Variants in MYO5B observed in about 807,000 individuals in gnomAD.
MYO5B encodes the protein unconventional myosin-Vb.
A neutral mutation model predicts 229.3 loss-of-function variants in MYO5B; 143 were observed. The observed-to-expected ratio is 0.62, with a 90% CI of 0.54 to 0.72. The LOEUF (loss-of-function observed/expected upper bound fraction) is 0.72, where lower values mean the gene tolerates loss of function less well. Ranked by LOEUF, MYO5B falls within the 30% of genes least tolerant of loss-of-function variation. The pLI is 0.00. For missense variants in MYO5B, 2,321 were observed against 2,331.0 expected (o/e 1.00, Z 0.09); for synonymous variants, 918 against 885.2 (o/e 1.04, Z -0.66).
chr18:50,088,428 T>A lies in MYO5B; in HGVS notation c.28-33050A>T, dbSNP rs554947622. 2.0e-5 allele frequency among the ~76,000 whole-genome samples: 3 copies of A among 152,338 alleles called. No homozygotes were observed. The East Asian group carries it at 5.8e-4, about 29-fold the overall frequency. On this transcript the variant is annotated intron_variant, in intron 1 of 39. Transcript: ENST00000285039. ...ACCCTAGACACAGCTTAAATACAAG[T>A]GCAGCACTGGTAAAACCACCAATGT...
intron 1 of MYO5B, among the ~76,000 whole-genome samples, chr18:50,141,437 C>T (rs1366668493): frequency 6.6e-6 from 1 of 152,220 alleles, no homozygotes; most frequent in African/African-American, 2.4e-5. Flanking sequence ...TGTCATGAAG[C>T]TGTAACACTG....
intron 21 of MYO5B, among the ~76,000 whole-genome samples, chr18:49,896,724 A>T (rs556287361): frequency 7.0e-4 from 106 of 152,264 alleles, no homozygotes; most frequent in African/African-American, 2.4e-3. Context: ...TCAGGACTCT[A>T]ATGCGAAGTA....
intron 16 of MYO5B, among the ~76,000 whole-genome samples, chr18:49,935,182 G>A (rs544885198): frequency 2.4e-4 from 36 of 152,318 alleles, no homozygotes; most frequent in East Asian, 7.7e-4. Flanking sequence ...GGACTTTGAC[G>A]TCAGTTAGAC....
intron 10 of MYO5B, among the ~76,000 whole-genome samples, chr18:49,968,958 C>CA (rs2025657503): frequency 6.6e-6 from 1 of 152,162 alleles, no homozygotes; most frequent in Non-Finnish European, 1.5e-5. Context: ...AGGCACACTC[C>CA]AAAGGGCCAC....
chr18:50,006,792 CAA>C (rs1383176129), intron 4 of MYO5B, among the ~76,000 whole-genome samples: 8 of 152,228 alleles, frequency 5.3e-5, no homozygotes, highest in Non-Finnish European at 1.0e-4. Context: ...TCACTCTGCT[CAA>C]AGGAGAGGCC....
intron 14 of MYO5B, among the ~76,000 whole-genome samples, chr18:49,944,026 T>C (rs1200606840): frequency 6.6e-6 from 1 of 152,074 alleles, no homozygotes; most frequent in Non-Finnish European, 1.5e-5. Context: ...ATGTACACAG[T>C]GAGAAGGAAG....
intron 17 of MYO5B, among the ~76,000 whole-genome samples, chr18:49,914,025 C>A (rs2024985994): frequency 6.6e-6 from 1 of 152,112 alleles, no homozygotes. Flanking sequence ...CACTCAATAA[C>A]CACCCCCCAG....
chr18:49,981,278 A>G (rs865923548), intron 8 of MYO5B, among the ~76,000 whole-genome samples: 1 of 152,272 alleles, frequency 6.6e-6, no homozygotes, highest in Non-Finnish European at 1.5e-5. Flanking sequence ...AAAAGACTAC[A>G]GAACAATAGA....
chr18:50,047,898 T>C (rs371028416), intron 2 of MYO5B, among the ~76,000 whole-genome samples: 3 of 131,488 alleles, frequency 2.3e-5, no homozygotes, highest in Non-Finnish European at 3.1e-5. Flanking sequence ...ATGAGAACAC[T>C]TGGACACAGG....
At chr18:50,057,959 G>C (rs1440422561) in intron 1 of MYO5B, among the ~76,000 whole-genome samples, 1 of 152,096 alleles carries the variant, frequency 6.6e-6, no homozygotes, top group African/African-American at 2.4e-5. Flanking sequence ...CTGCAGCTAT[G>C]GGACAAATCT....
intron 27 of MYO5B, 48 bp from the exon 28 acceptor site, chr18:49,864,428 T>A (rs769830886): frequency 6.2e-7 from 1 of 1,604,172 alleles, no homozygotes; most frequent in South Asian, 1.1e-5. Context: ...GCCCTAGGGC[T>A]CTCTCCCTGT....
At chr18:50,042,601 G>A (rs2030053639) in intron 2 of MYO5B, among the ~76,000 whole-genome samples, 1 of 152,160 alleles carries the variant, frequency 6.6e-6, no homozygotes, top group African/African-American at 2.4e-5. Flanking sequence ...GAATGTCCGA[G>A]GGCTGATTTT....
At chr18:50,133,130 T>C (rs886923660) in intron 1 of MYO5B, among the ~76,000 whole-genome samples, 1 of 152,196 alleles carries the variant, frequency 6.6e-6, no homozygotes, top group Non-Finnish European at 1.5e-5. Flanking sequence ...AGCAAAAATA[T>C]CAATGAGGAG....
At chr18:50,122,902 C>T (rs781080761) in intron 1 of MYO5B, among the ~76,000 whole-genome samples, 14 of 152,168 alleles carry the variant, frequency 9.2e-5, no homozygotes, top group Non-Finnish European at 1.5e-4. Context: ...CTGTGGAAAA[C>T]AGCTTGATGT....
chr18:49,946,984 T>TG (rs1568042307), intron 14 of MYO5B, among the ~76,000 whole-genome samples: 10 of 204 alleles, frequency 0.049, 1 homozygote, highest in East Asian at 0.38. Context: ...AAATACAAAT[T>TG]ATGGTTCCAT....
At chr18:50,155,140 G>A (rs1228360044) in intron 1 of MYO5B, among the ~76,000 whole-genome samples, 1 of 152,270 alleles carries the variant, frequency 6.6e-6, no homozygotes, top group African/African-American at 2.4e-5. Flanking sequence ...CCAGTACAGG[G>A]AGACCTTCCA....
chr18:49,910,313 T>C (rs893742854), intron 18 of MYO5B, among the ~76,000 whole-genome samples: 8 of 152,110 alleles, frequency 5.3e-5, no homozygotes, highest in Non-Finnish European at 1.0e-4. Context: ...TTGGTGGTAA[T>C]CCTGGAGAAA....
intron 16 of MYO5B, among the ~76,000 whole-genome samples, chr18:49,930,891 CA>C (rs139716218): frequency 7.1e-6 from 1 of 140,850 alleles, no homozygotes; most frequent in Non-Finnish European, 1.5e-5. Flanking sequence ...GACTCTGTCT[CA>C]AAAAAAAACA....
At chr18:50,117,340 A>G (rs902643989) in intron 1 of MYO5B, among the ~76,000 whole-genome samples, 1 of 152,140 alleles carries the variant, frequency 6.6e-6, no homozygotes, top group African/African-American at 2.4e-5. Flanking sequence ...AGGCTCTTCC[A>G]GGAAGACCCA....
Sources: gnomAD v4.1 joint callset for allele counts (sites outside exome capture counted in the v4.1 genomes callset) on GRCh38, gnomAD v4.1.1 for gene constraint, MANE v1.5 for transcripts, NCBI Gene and HGNC (gene_info 2026-07-23, HGNC 2026-07-21) for gene names.